The following KIDINS220 variants were observed in gnomAD, a reference collection of about 807,000 sequenced individuals.
The protein encoded by KIDINS220 is kinase D interacting substrate 220, also known as kinase D-interacting substrate of 220 kDa.
A neutral mutation model predicts 157.6 loss-of-function variants in KIDINS220; 63 were observed. That is an observed-to-expected ratio of 0.40 (90% CI 0.33 to 0.49). The LOEUF (loss-of-function observed/expected upper bound fraction) is 0.49. Ranked by LOEUF, KIDINS220 falls within the 20% of genes least tolerant of loss-of-function variation. KIDINS220 has a pLI of 0.66. For synonymous variants in KIDINS220, 732 were observed against 783.6 expected (o/e 0.93, Z 1.10); for missense variants, 1,772 against 2,171.2 (o/e 0.82, Z 3.65).
intron 29 of KIDINS220, among the ~76,000 whole-genome samples, 167 bp from the exon 30 acceptor site, chr2:8,732,149 T>C (rs1664216257): frequency 6.6e-6 from 1 of 152,252 alleles, no homozygotes; most frequent in African/African-American, 2.4e-5. Context: ...GCTGTGACCT[T>C]ATAATGCTGT....
rs761974504 is a variant in KIDINS220 at position 8,750,155 on chromosome 2, T to C, written c.3371A>G (p.Tyr1124Cys). 3 of 1,614,172 alleles carry C rather than the reference T, an allele frequency of 1.9e-6. No individual in the cohort carries two copies. The Admixed American group carries it at 5.0e-5, about 27-fold the overall frequency. Residue 1124 changes from tyrosine to cysteine, a missense_variant, in exon 24 of 30, where the codon TAT becomes TGT. This residue lies in a region of KIDINS220 where 793 missense variants were observed against 885.5 expected (regional missense o/e 0.90). Coordinates refer to ENST00000256707, the MANE Select transcript of KIDINS220 (RefSeq NM_020738.4). ...CTGAGGGCCCGTCATGCCGCTGTAA[T>C]AGCTGCTGTGAGGCTGTGGTGACAC... The part of the protein sequence containing the change: ...GVVSPQPHSS[Y>C]YSGMTGPQHP...
intron 4 of KIDINS220, among the ~76,000 whole-genome samples, chr2:8,813,675 G>A (rs1676651276): frequency 6.6e-6 from 1 of 152,198 alleles, no homozygotes; most frequent in Non-Finnish European, 1.5e-5. Flanking sequence ...TGTAATCCCA[G>A]CACTGTGGGA....
Position 8,770,779 on chromosome 2 carries a change from A to T in KIDINS220, c.2902T>A (p.Trp968Arg). Reference sequence around the variant, plus strand: ...GGCCACTGCTCAGTAAGGTTGATCCAGCTAGCAAGCCTGTCCCAGTTGAAA... The same window carrying T: ...GGCCACTGCTCAGTAAGGTTGATCCTGCTAGCAAGCCTGTCCCAGTTGAAA... ...ISFNWDRLAS[W>R]INLTEQWPYR... The change falls in exon 22 of 30, where the codon TGG (tryptophan) becomes AGG (arginine). Residue 968 changes from tryptophan (W) to arginine (R), a missense_variant. Physicochemically the swap from Trp to Arg is moderately radical, Grantham distance 101. Coordinates refer to ENST00000256707, the MANE Select transcript of KIDINS220 (RefSeq NM_020738.4). The T allele has an allele frequency of 6.2e-7, 1 of 1,612,884 alleles. No individual in the cohort carries two copies. Among genetic ancestry groups the T allele is most frequent in the Non-Finnish European group, 8.5e-7 (1 of 1,179,226 alleles).
chr2:8,772,467 C>G (rs1446463294), intron 21 of KIDINS220, among the ~76,000 whole-genome samples: 1 of 150,734 alleles, frequency 6.6e-6, no homozygotes, highest in African/African-American at 2.4e-5. Context: ...CAGAGCGAGA[C>G]TATCTCGAAA....
At chr2:8,726,774 T>C, downstream of KIDINS220, 1 of 441,450 alleles carries the variant, frequency 2.3e-6, no homozygotes, top group Admixed American at 3.0e-5. Context: ...ACGGTAAAAA[T>C]ATAGTATTAG....
intron 28 of KIDINS220, 53 bp from the exon 29 acceptor site, chr2:8,733,733 C>T (rs1431377919): frequency 1.7e-6 from 2 of 1,198,440 alleles, no homozygotes; most frequent in African/African-American, 1.5e-5. Context: ...ATTTTAGAAG[C>T]TTTAGAAATA....
chr2:8,778,108 C>A (rs1203508465), intron 20 of KIDINS220, among the ~76,000 whole-genome samples: 1 of 152,196 alleles, frequency 6.6e-6, no homozygotes, highest in East Asian at 1.9e-4. Context: ...ACAGCACATG[C>A]CCTTGTTCCA....
chr2:8,830,489 G>A (rs1014398608), intron 1 of KIDINS220, among the ~76,000 whole-genome samples: 1 of 152,166 alleles, frequency 6.6e-6, no homozygotes, highest in African/African-American at 2.4e-5. Context: ...CACGATCATG[G>A]CTCACTGCAG....
rs760127870 is a variant in KIDINS220, at chr2:8,747,148, C to T, written c.3582G>A (p.Ser1194=). ...CACCACAGGACTACTCCATTACCCTCGAGGAGTCTGTGGGTGAAGAAAGCC... is the reference window on the plus strand; with the variant it reads ...CACCACAGGACTACTCCATTACCCTTGAGGAGTCTGTGGGTGAAGAAAGCC... ...AEGLSSPTDS[S]RGSGPAPGPV... Residue 1194 remains serine (S), a synonymous_variant, in exon 26 of 30, where the codon TCG becomes TCA. Coordinates refer to ENST00000256707, the MANE Select transcript of KIDINS220 (RefSeq NM_020738.4). 48 of 1,613,606 alleles carry T rather than the reference C, an allele frequency of 3.0e-5. No individual in the cohort carries two copies. Among genetic ancestry groups the T allele is most frequent in the Middle Eastern group, 1.6e-4 (1 of 6,082 alleles).
intron 6 of KIDINS220, among the ~76,000 whole-genome samples, chr2:8,809,725 C>T (rs2148360558): frequency 6.6e-6 from 1 of 151,818 alleles, no homozygotes; most frequent in South Asian, 2.1e-4. Flanking sequence ...AAACAGACTT[C>T]CTTTCCCTTC....
At chr2:8,823,756 C>A (rs1010671938) in intron 2 of KIDINS220, among the ~76,000 whole-genome samples, 2 of 152,026 alleles carry the variant, frequency 1.3e-5, no homozygotes, top group African/African-American at 4.8e-5. Context: ...TATGGTTATT[C>A]CAAATATGCT....
chr2:8,725,353 T>C (rs116254561), downstream of KIDINS220: 114 of 152,350 alleles, frequency 7.5e-4, no homozygotes, highest in African/African-American at 2.7e-3. Context: ...ATATGGAGCT[T>C]ATTCACATGC....
At chr2:8,783,977 A>G (rs1206168572) in intron 17 of KIDINS220, among the ~76,000 whole-genome samples, 1 of 152,188 alleles carries the variant, frequency 6.6e-6, no homozygotes, top group Non-Finnish European at 1.5e-5. Flanking sequence ...GTATTGAAGG[A>G]GGAGAACAAA....
intron 8 of KIDINS220, among the ~76,000 whole-genome samples, chr2:8,801,502 G>A (rs180808786): frequency 1.3e-5 from 2 of 152,290 alleles, no homozygotes; most frequent in East Asian, 1.9e-4. Context: ...CAAGACAGAC[G>A]CGGTCCTACC....
intron 2 of KIDINS220, among the ~76,000 whole-genome samples, chr2:8,820,309 C>T (rs992141515): frequency 2.6e-5 from 4 of 152,150 alleles, no homozygotes; most frequent in Non-Finnish European, 4.4e-5. Flanking sequence ...CCCTAAACGC[C>T]GGGAAACATG....
At chr2:8,727,417 G>A (rs764964190), downstream of KIDINS220, 5 of 216,302 alleles carry the variant, frequency 2.3e-5, no homozygotes, top group African/African-American at 4.7e-5. Context: ...TGCTTTTCCT[G>A]GTAGATAGGT....
intron 1 of KIDINS220, among the ~76,000 whole-genome samples, chr2:8,837,259 C>A (rs1680554922): frequency 6.6e-6 from 1 of 152,166 alleles, no homozygotes; most frequent in Non-Finnish European, 1.5e-5. Flanking sequence ...ACCTTCCCGG[C>A]GCTCCAGGAA....
intron 1 of KIDINS220, among the ~76,000 whole-genome samples, chr2:8,834,023 A>T (rs976582243): frequency 1.2e-4 from 19 of 152,100 alleles, no homozygotes; most frequent in Admixed American, 1.3e-4. Flanking sequence ...ACGACACAGT[A>T]AGTTCCTGAA....
At position 8,826,978 on chromosome 2, in the gene KIDINS220, G is replaced by GGT; in HGVS notation, c.108+6_108+7dup. ...TGAAAGAATGTAATTTTGCAAACTT[G>GGT]GTCTTACCTCATTTCTCTCATCTAC... is the stretch of plus-strand genomic sequence containing the variant. On this transcript the variant is annotated splice_region_variant and intron_variant, in intron 2 of 29. Transcript: ENST00000256707. 1 of 1,536,036 alleles carries GGT rather than the reference G, an allele frequency of 6.5e-7. No individual in the cohort carries two copies. The highest frequency in any genetic ancestry group is 9.0e-7 in the Non-Finnish European group (1 of 1,112,846).
Sources: allele counts gnomAD v4.1 joint callset (sites outside exome capture counted in the v4.1 genomes callset), GRCh38; gene constraint gnomAD v4.1.1; regional missense constraint gnomAD v4.1.1; transcripts MANE v1.5; gene names NCBI Gene and HGNC (gene_info 2026-07-23, HGNC 2026-07-21).